Variants in SMG6 observed in about 807,000 individuals in gnomAD.
SMG6 encodes the protein telomerase-binding protein EST1A.
SMG6 carries 66 observed loss-of-function variants against 142.2 expected under a neutral mutation model. The ratio of observed to expected loss-of-function variants is 0.46; its 90% CI spans 0.38 to 0.57. The LOEUF (loss-of-function observed/expected upper bound fraction) is 0.57. Ranked by LOEUF, SMG6 falls within the 20% of genes least tolerant of loss-of-function variation. The pLI is 0.00. For missense variants in SMG6, 1,793 were observed against 1,832.0 expected, an observed-to-expected ratio of 0.98 and a Z score of 0.39; for synonymous variants, 779 against 702.4, an observed-to-expected ratio of 1.11 and a Z score of -1.72.
chr17:2,094,585 G>A (rs1336839981), intron 13 of SMG6, among the ~76,000 whole-genome samples: 1 of 151,756 alleles, frequency 6.6e-6, no homozygotes, highest in Non-Finnish European at 1.5e-5. Context: ...TTTGTTGCCC[G>A]GGCTGCTCTT....
intron 10 of SMG6, among the ~76,000 whole-genome samples, chr17:2,194,771 G>A (rs570862071): frequency 1.3e-5 from 2 of 152,150 alleles, no homozygotes; most frequent in African/African-American, 2.4e-5. Flanking sequence ...GAGGGGGTAC[G>A]TAGGGGTGAA....
At chr17:2,120,538 A>G (rs768171220) in intron 13 of SMG6, among the ~76,000 whole-genome samples, 14 of 152,192 alleles carry the variant, frequency 9.2e-5, no homozygotes, top group Non-Finnish European at 1.9e-4. Flanking sequence ...TAGACAACAT[A>G]GCAATACCTT....
At chr17:2,191,306 G>A (rs1195931187) in intron 10 of SMG6, among the ~76,000 whole-genome samples, 1 of 152,166 alleles carries the variant, frequency 6.6e-6, no homozygotes, top group Non-Finnish European at 1.5e-5. Context: ...CGTTACACAA[G>A]TGGGTAGGAA....
intron 13 of SMG6, among the ~76,000 whole-genome samples, chr17:2,110,805 C>G (rs896689551): frequency 2.0e-5 from 3 of 152,098 alleles, no homozygotes; most frequent in African/African-American, 7.2e-5. Flanking sequence ...AGAAAGAGCT[C>G]CCACCCCAGA....
At chr17:2,173,845 CTTTTTTTTTTTTT>C (rs35215989) in intron 12 of SMG6, among the ~76,000 whole-genome samples, 42 of 74,828 alleles carry the variant, frequency 5.6e-4, no homozygotes, top group East Asian at 1.6e-3. Context: ...ATCCATAAAG[CTTTTTTTTTTTTT>C]TTTTTTTTTT....
At chr17:2,196,291 G>A (rs752546847) in intron 10 of SMG6, among the ~76,000 whole-genome samples, 13 of 152,108 alleles carry the variant, frequency 8.5e-5, no homozygotes, top group Admixed American at 2.0e-4. Context: ...GCGTGGCGGC[G>A]CGTGCCTGTA....
chr17:2,299,171 G>A lies in SMG6; in HGVS notation c.1582C>T (p.Leu528=), dbSNP rs2075212778. The A allele has an allele frequency of 6.2e-7, 1 of 1,613,252 alleles. No homozygotes were observed. The highest frequency in any genetic ancestry group is 2.2e-5 in the East Asian group (1 of 44,872). The part of the protein sequence containing the change: ...SQYPYTGYNP[L]QYPVGPTNGV... ...TTCGTAGGGCCCACTGGGTACTGTA[G>A]AGGGTTATAGCCCGTATAGGGATAC... is the stretch of plus-strand genomic sequence containing the variant. Residue 528 remains leucine (L), a synonymous_variant, in exon 2 of 19, where the codon CTA becomes TTA. Coordinates refer to ENST00000263073, the MANE Select transcript of SMG6 (RefSeq NM_017575.5). This position sits in a 1 kb window ranked among gnomAD's most constrained non-coding sequence, Gnocchi z 4.3.
At chr17:2,169,531 G>A (rs2071440796) in intron 13 of SMG6, among the ~76,000 whole-genome samples, 1 of 152,168 alleles carries the variant, frequency 6.6e-6, no homozygotes, top group South Asian at 2.1e-4. Flanking sequence ...GGTGATAGAA[G>A]GGAGTGCGAG....
At chr17:2,196,553 A>G (rs1342668476) in intron 10 of SMG6, among the ~76,000 whole-genome samples, 1 of 152,220 alleles carries the variant, frequency 6.6e-6, no homozygotes, top group Non-Finnish European at 1.5e-5. Context: ...AAATCTTAGG[A>G]AGGTTTTATG....
chr17:2,145,274 C>T (rs995799961), intron 13 of SMG6, among the ~76,000 whole-genome samples: 4 of 151,130 alleles, frequency 2.6e-5, no homozygotes, highest in African/African-American at 9.7e-5. Flanking sequence ...CCACCACACC[C>T]AGCTAATTTT....
intron 10 of SMG6, among the ~76,000 whole-genome samples, chr17:2,191,160 T>C (rs577613069): frequency 6.6e-6 from 1 of 152,344 alleles, no homozygotes; most frequent in African/African-American, 2.4e-5. Context: ...TTTATCCAAG[T>C]ATCCACGGCA....
intron 8 of SMG6, among the ~76,000 whole-genome samples, chr17:2,268,468 T>C (rs920448729): frequency 2.6e-5 from 4 of 152,008 alleles, no homozygotes; most frequent in African/African-American, 4.8e-5. Flanking sequence ...AAAAGACAAA[T>C]GATGAGTCTA....
At chr17:2,143,680 A>C (rs2070561662) in intron 13 of SMG6, among the ~76,000 whole-genome samples, 1 of 152,234 alleles carries the variant, frequency 6.6e-6, no homozygotes, top group Admixed American at 6.5e-5. Context: ...GAATATAATG[A>C]AACAACGGAA....
intron 13 of SMG6, among the ~76,000 whole-genome samples, chr17:2,112,464 T>C (rs539659133): frequency 5.6e-4 from 85 of 150,988 alleles, no homozygotes; most frequent in African/African-American, 1.1e-3. Flanking sequence ...GCCGAGATCG[T>C]GCCACTGCAC....
At chr17:2,144,049 CTTTTTTTTTTTTT>C (rs57316349) in intron 13 of SMG6, among the ~76,000 whole-genome samples, 6 of 65,062 alleles carry the variant, frequency 9.2e-5, no homozygotes, top group Non-Finnish European at 1.1e-4. Context: ...ACCACGGCCG[CTTTTTTTTTTTTT>C]TTTTTTTTTT....
At chr17:2,179,150 C>T (rs1243102175) in intron 12 of SMG6, among the ~76,000 whole-genome samples, 4 of 152,174 alleles carry the variant, frequency 2.6e-5, no homozygotes, top group African/African-American at 4.8e-5. Context: ...GCAGTGCTAA[C>T]GCCCCAACCC....
At chr17:2,260,699 G>A (rs1268734013) in intron 8 of SMG6, among the ~76,000 whole-genome samples, 4 of 152,170 alleles carry the variant, frequency 2.6e-5, no homozygotes, top group Non-Finnish European at 4.4e-5. Context: ...TGAGTTTAGA[G>A]TTAAAAGGGA....
chr17:2,277,377 A>G (rs2074684629), intron 8 of SMG6, among the ~76,000 whole-genome samples: 1 of 151,872 alleles, frequency 6.6e-6, no homozygotes, highest in Non-Finnish European at 1.5e-5. Context: ...CGTGTTAGCC[A>G]GGATGGTCTC....
At position 2,188,418 on chromosome 17, in the gene SMG6, T is replaced by C. The variant is rs954102229; in HGVS notation, c.2967A>G (p.Leu989=). 14 of 1,614,030 alleles carry C rather than the reference T, an allele frequency of 8.7e-6. No homozygotes were observed. The highest frequency in any genetic ancestry group is 1.2e-5 in the Non-Finnish European group (14 of 1,179,992). The change falls in exon 11 of 19, where the codon TTA becomes TTG. Residue 989 remains leucine (L), a synonymous_variant. Coordinates refer to ENST00000263073, the MANE Select transcript of SMG6 (RefSeq NM_017575.5). The stretch of plus-strand genomic sequence containing the variant: ...GCTTACCTTTGGCGGACTCCTTAAG[T>C]AAGCAGGTGCAGCGGCGGACCAGTA... ...FSLLVRRCTC[L]LKESAKAQLS...
Sources: gnomAD v4.1 joint callset for allele counts (sites outside exome capture counted in the v4.1 genomes callset) on GRCh38, gnomAD v4.1.1 for gene constraint, Gnocchi (gnomAD v3.1) non-coding constraint, MANE v1.5 for transcripts, NCBI Gene and HGNC (gene_info 2026-07-23, HGNC 2026-07-21) for gene names.